The following DDR2 variants were observed in gnomAD, a reference collection of about 807,000 sequenced individuals.
The protein encoded by DDR2 is discoidin domain-containing receptor 2.
Under a neutral mutation model 94.9 loss-of-function variants are expected in DDR2, and 27 were observed. The ratio of observed to expected loss-of-function variants is 0.28; its 90% CI spans 0.21 to 0.39. DDR2 has a LOEUF of 0.39. Among genes scored for constraint, DDR2 ranks in the 10% least tolerant of loss-of-function variants. The pLI is 1.00. For synonymous variants in DDR2, 382 were observed against 377.2 expected (o/e 1.01, Z -0.15); for missense variants, 783 against 1,076.0 (o/e 0.73, Z 3.81).
chr1:162,742,202 T>C (rs999867637), intron 3 of DDR2, among the ~76,000 whole-genome samples: 8 of 152,250 alleles, frequency 5.3e-5, no homozygotes, highest in African/African-American at 1.9e-4. Flanking sequence ...TACATTCATA[T>C]GTTCATCTCT....
chr1:162,708,245 G>C (rs768328647), intron 2 of DDR2, among the ~76,000 whole-genome samples: 3 of 152,202 alleles, frequency 2.0e-5, no homozygotes, highest in Non-Finnish European at 2.9e-5. Context: ...TCTCCTGCAG[G>C]GATCAGGAAG....
chr1:162,698,688 C>T (rs1660299239), intron 2 of DDR2, among the ~76,000 whole-genome samples: 2 of 152,154 alleles, frequency 1.3e-5, no homozygotes, highest in Non-Finnish European at 2.9e-5. Context: ...GAGAAGGTTG[C>T]ATCAGGAATG....
chr1:162,669,193 T>C (rs553844393), intron 2 of DDR2, among the ~76,000 whole-genome samples: 1 of 152,362 alleles, frequency 6.6e-6, no homozygotes, highest in African/African-American at 2.4e-5. Flanking sequence ...TTTGTTACTA[T>C]TTTATTCTTC....
rs1307794133 is a variant in DDR2 at position 162,652,857 on chromosome 1, C to T, written c.-191-2354C>T. Among the ~76,000 whole-genome samples, 5 of 152,150 alleles carry T rather than the reference C, an allele frequency of 3.3e-5. No homozygotes were observed. In the South Asian group the frequency reaches 8.3e-4, roughly 25 times the overall value. On this transcript the variant is annotated intron_variant, in intron 1 of 17. Coordinates refer to ENST00000367921, the MANE Select transcript of DDR2 (RefSeq NM_006182.4). ...TGGTGGCTTACACCTCTAATCCCAG[C>T]ACTTTGGGAGGCTGAGGTGGGAGGA...
intron 17 of DDR2, 73 bp downstream of exon 17, chr1:162,778,802 A>G (rs2102207847): frequency 6.3e-7 from 1 of 1,596,344 alleles, no homozygotes; most frequent in Non-Finnish European, 8.6e-7. Flanking sequence ...GTCCTGCCTT[A>G]GCAGGAGTGG....
intron 3 of DDR2, 44 bp downstream of exon 3, chr1:162,719,189 A>G (rs964818875): frequency 6.8e-6 from 11 of 1,613,144 alleles, no homozygotes; most frequent in Non-Finnish European, 9.3e-6. Flanking sequence ...GACCAGCAGA[A>G]TGTTTAAACC....
chr1:162,650,303 T>C (rs1657624594), intron 1 of DDR2, among the ~76,000 whole-genome samples: 1 of 151,268 alleles, frequency 6.6e-6, no homozygotes, highest in Non-Finnish European at 1.5e-5. Context: ...AAAAAAATAA[T>C]AATAATAACA....
At chr1:162,709,523 G>T (rs1184693383) in intron 2 of DDR2, among the ~76,000 whole-genome samples, 1 of 152,130 alleles carries the variant, frequency 6.6e-6, no homozygotes, top group Non-Finnish European at 1.5e-5. Flanking sequence ...TGAGCTTTCA[G>T]GTCCCTTCAG....
intron 3 of DDR2, among the ~76,000 whole-genome samples, chr1:162,726,307 T>TA (rs1661662087): frequency 6.6e-6 from 1 of 152,230 alleles, no homozygotes; most frequent in Non-Finnish European, 1.5e-5. Context: ...TTAACTTAAT[T>TA]ACTATACTGT....
intron 2 of DDR2, among the ~76,000 whole-genome samples, chr1:162,668,933 CTT>C (rs1344675865): frequency 6.6e-6 from 1 of 152,182 alleles, no homozygotes; most frequent in African/African-American, 2.4e-5. Flanking sequence ...AGAGATTTGA[CTT>C]AGGCGCAGCA....
chr1:162,728,908 C>T (rs1458246990), intron 3 of DDR2, among the ~76,000 whole-genome samples: 1 of 152,060 alleles, frequency 6.6e-6, no homozygotes, highest in Non-Finnish European at 1.5e-5. Flanking sequence ...CTGCACCTCA[C>T]TTTGCTCATT....
At chr1:162,759,584 A>G (rs891359335) in intron 7 of DDR2, among the ~76,000 whole-genome samples, 1 of 152,224 alleles carries the variant, frequency 6.6e-6, no homozygotes, top group African/African-American at 2.4e-5. Flanking sequence ...TATTTTATAA[A>G]AATTACTAAT....
intron 1 of DDR2, among the ~76,000 whole-genome samples, chr1:162,654,643 C>T (rs1357845756): frequency 6.6e-6 from 1 of 152,084 alleles, no homozygotes; most frequent in Admixed American, 6.6e-5. Flanking sequence ...CCAGTGTGTT[C>T]TGGGATTCTG....
chr1:162,701,764 T>A (rs1364402601), intron 2 of DDR2, among the ~76,000 whole-genome samples: 1 of 152,224 alleles, frequency 6.6e-6, no homozygotes, highest in Non-Finnish European at 1.5e-5. Flanking sequence ...TTTTAGGGTG[T>A]TCCCTCTTAT....
At chr1:162,724,712 G>A (rs1385670114) in intron 3 of DDR2, among the ~76,000 whole-genome samples, 3 of 152,152 alleles carry the variant, frequency 2.0e-5, no homozygotes, top group Non-Finnish European at 2.9e-5. Context: ...CTAGTTTCAG[G>A]TTTGTGAAAC....
At chr1:162,702,746 G>A (rs1170092758) in intron 2 of DDR2, among the ~76,000 whole-genome samples, 2 of 152,146 alleles carry the variant, frequency 1.3e-5, no homozygotes, top group Non-Finnish European at 1.5e-5. Context: ...CTCACATTAT[G>A]AAGGACTAAG....
At position 162,785,656 on chromosome 1, in the gene DDR2, A is replaced by G. The variant is rs1467649910; in HGVS notation, c.*5410A>G. On this transcript the variant is annotated 3_prime_UTR_variant, in exon 18 of 18. Transcript: ENST00000367921. ...TGCTGAATGTTGTTTTTTTGAATGAACATAAGATAGAAACAAAAACTTCTC... is the reference window on the plus strand; with the variant it reads ...TGCTGAATGTTGTTTTTTTGAATGAGCATAAGATAGAAACAAAAACTTCTC... 1 of 152,256 alleles carries G rather than the reference A, an allele frequency of 6.6e-6. No individual in the cohort carries two copies. Among genetic ancestry groups the G allele is most frequent in the Non-Finnish European group, 1.5e-5 (1 of 68,048 alleles). The allele number at this position is 152,256 out of a possible 1,614,324, so 9.4% of individuals were successfully genotyped here.
chr1:162,653,262 T>G (rs1033945873), intron 1 of DDR2, among the ~76,000 whole-genome samples: 1 of 152,068 alleles, frequency 6.6e-6, no homozygotes, highest in East Asian at 1.9e-4. Flanking sequence ...GTCTTAGTAC[T>G]GCAGGGAACT....
intron 1 of DDR2, among the ~76,000 whole-genome samples, chr1:162,633,056 T>C (rs1656636847): frequency 6.6e-6 from 1 of 152,196 alleles, no homozygotes; most frequent in South Asian, 2.1e-4. Flanking sequence ...GTTTTGGAGA[T>C]AGTGTAGACC....
Sources: gnomAD v4.1 joint callset for allele counts (sites outside exome capture counted in the v4.1 genomes callset) on GRCh38, gnomAD v4.1.1 for gene constraint, MANE v1.5 for transcripts, NCBI Gene and HGNC (gene_info 2026-07-23, HGNC 2026-07-21) for gene names.